The following NTM variants were observed in gnomAD, a reference collection of about 807,000 sequenced individuals.
NTM encodes the protein neurotrimin.
A neutral mutation model predicts 42.1 loss-of-function variants in NTM; 13 were observed. The ratio of observed to expected loss-of-function variants is 0.31; its 90% confidence interval spans 0.20 to 0.49. The LOEUF is 0.49. NTM is among the 20% of genes least tolerant of loss of function. NTM has a pLI of 0.99. For synonymous variants in NTM, 187 were observed against 179.2 expected (o/e 1.04, Z -0.35); for missense variants, 373 against 452.8 (o/e 0.82, Z 1.60).
intron 1 of NTM, among the ~76,000 whole-genome samples, chr11:131,875,526 A>G (rs1001723390): frequency 6.6e-6 from 1 of 152,216 alleles, no homozygotes; most frequent in African/African-American, 2.4e-5. Flanking sequence ...TGGTGCTGTT[A>G]TATTAGACGA....
At chr11:132,295,605 T>C (rs2094582835) in intron 4 of NTM, among the ~76,000 whole-genome samples, 1 of 152,176 alleles carries the variant, frequency 6.6e-6, no homozygotes, top group Non-Finnish European at 1.5e-5. Flanking sequence ...GAAGGCTGCA[T>C]AGACATTTGA....
At chr11:131,631,255 T>A (rs994255320) in intron 1 of NTM, among the ~76,000 whole-genome samples, 10 of 152,200 alleles carry the variant, frequency 6.6e-5, no homozygotes, top group African/African-American at 2.2e-4. Context: ...GCACGTAGCT[T>A]ACTAAGTGTT....
intron 1 of NTM, among the ~76,000 whole-genome samples, chr11:131,740,175 G>A (rs1020378990): frequency 6.6e-6 from 1 of 152,178 alleles, no homozygotes; most frequent in East Asian, 1.9e-4. Context: ...CATGGGCTAC[G>A]TTGTAAGAGT....
At chr11:131,608,833 A>G (rs2061228161) in intron 1 of NTM, among the ~76,000 whole-genome samples, 1 of 152,202 alleles carries the variant, frequency 6.6e-6, no homozygotes, top group South Asian at 2.1e-4. Context: ...AAGATAAGAT[A>G]TCTTCAGGGA....
At chr11:131,662,309 A>C (rs1209785418) in intron 1 of NTM, 2 of 152,176 alleles carry the variant, frequency 1.3e-5, no homozygotes, top group African/African-American at 2.4e-5. Flanking sequence ...TTTTTTCATG[A>C]TGCCATGTCC....
intron 2 of NTM, among the ~76,000 whole-genome samples, chr11:132,126,710 C>T (rs554722568): frequency 1.3e-5 from 2 of 152,242 alleles, no homozygotes; most frequent in African/African-American, 4.8e-5. Flanking sequence ...GGAGAAAGAG[C>T]CCTACCAGGA....
At chr11:131,606,001 A>G in intron 1 of NTM, 1 of 513,798 alleles carries the variant, frequency 1.9e-6, no homozygotes, top group African/African-American at 2.1e-5. Context: ...GCTCCCAAGG[A>G]CAGTGAGGGA....
At chr11:132,311,935 A>G (rs1591927372) in intron 6 of NTM, among the ~76,000 whole-genome samples, 1 of 151,624 alleles carries the variant, frequency 6.6e-6, no homozygotes, top group African/African-American at 2.4e-5. Context: ...AGGGCCAGGG[A>G]CAGTCTTCAG....
At chr11:131,715,243 C>T (rs2077567498) in intron 1 of NTM, among the ~76,000 whole-genome samples, 1 of 152,168 alleles carries the variant, frequency 6.6e-6, no homozygotes, top group Non-Finnish European at 1.5e-5. Context: ...GAAGGAGCTA[C>T]AGAATTACTA....
chr11:131,863,800 T>C (rs1448074800), intron 1 of NTM, among the ~76,000 whole-genome samples: 2 of 152,152 alleles, frequency 1.3e-5, no homozygotes, highest in Non-Finnish European at 2.9e-5. Context: ...AAACATGAGC[T>C]CCCATGCCAC....
rs530864454 is a variant in NTM, at chr11:132,094,884, T to G, written c.168-51398T>G. Reference sequence around the variant, plus strand: ...TGCACGTTCTGCTCCAGCACACTGCTGGGTCAGGAGAAGTTGTGATGCTTA... The same window carrying G: ...TGCACGTTCTGCTCCAGCACACTGCGGGGTCAGGAGAAGTTGTGATGCTTA... On this transcript the variant is annotated intron_variant, in intron 2 of 8. Coordinates refer to ENST00000683400, the MANE Select transcript of NTM (RefSeq NM_001352005.2). 3.0e-4 allele frequency among the ~76,000 whole-genome samples: 45 copies of G among 152,292 alleles called. 1 individual carries two copies. In the South Asian group the frequency reaches 9.1e-3, roughly 31 times the overall value.
chr11:132,282,349 G>A (rs1047041456), intron 4 of NTM, among the ~76,000 whole-genome samples: 2 of 152,204 alleles, frequency 1.3e-5, no homozygotes, highest in African/African-American at 2.4e-5. Flanking sequence ...TTAGGGAATA[G>A]CTTGTGTCTG....
intron 1 of NTM, among the ~76,000 whole-genome samples, chr11:131,810,215 C>T (rs76788909): frequency 0.018 from 2,771 of 152,254 alleles, 82 homozygotes; most frequent in African/African-American, 0.063. Flanking sequence ...CCTCCACCTC[C>T]TCCTCCCACG....
intron 3 of NTM, among the ~76,000 whole-genome samples, chr11:132,153,580 A>T (rs1461969841): frequency 6.6e-6 from 1 of 152,204 alleles, no homozygotes; most frequent in African/African-American, 2.4e-5. Context: ...TTAGGAGAAG[A>T]TTCTTAGACA....
At chr11:131,950,488 T>A (rs922320941) in intron 2 of NTM, among the ~76,000 whole-genome samples, 1 of 152,168 alleles carries the variant, frequency 6.6e-6, no homozygotes, top group Non-Finnish European at 1.5e-5. Context: ...CTCAGTACTC[T>A]CTGTCTCGGA....
intron 1 of NTM, among the ~76,000 whole-genome samples, chr11:131,529,377 G>A (rs780969473): frequency 2.6e-5 from 4 of 152,192 alleles, no homozygotes; most frequent in African/African-American, 4.8e-5. Flanking sequence ...ATGCTTGCAC[G>A]TGCACACACA....
chr11:131,509,590 C>G (rs1191123597), intron 1 of NTM, among the ~76,000 whole-genome samples: 1 of 152,192 alleles, frequency 6.6e-6, no homozygotes. Context: ...AGACCCAGTT[C>G]TAGTTTTTGA....
intron 1 of NTM, among the ~76,000 whole-genome samples, chr11:131,726,762 G>A (rs2079020102): frequency 6.6e-6 from 1 of 151,214 alleles, no homozygotes; most frequent in South Asian, 2.1e-4. Flanking sequence ...CATCAAGGCT[G>A]GAGTGCAGTG....
chr11:131,557,369 G>A (rs1565636188), intron 1 of NTM, among the ~76,000 whole-genome samples: 1 of 152,152 alleles, frequency 6.6e-6, no homozygotes, highest in Admixed American at 6.5e-5. Flanking sequence ...AAAGACACTT[G>A]ACATTTTGTA....
Sources: gnomAD v4.1 joint callset for allele counts (sites outside exome capture counted in the v4.1 genomes callset) on GRCh38, gnomAD v4.1.1 for gene constraint, MANE v1.5 for transcripts, NCBI Gene and HGNC (gene_info 2026-07-23, HGNC 2026-07-21) for gene names.